The following TNKS variants were observed in gnomAD, a reference collection of about 807,000 sequenced individuals.
The protein encoded by TNKS is tankyrase, also known as poly [ADP-ribose] polymerase tankyrase-1.
Under a neutral mutation model 135.8 loss-of-function variants are expected in TNKS, and 72 were observed. That is an observed-to-expected ratio of 0.53 (90% CI 0.44 to 0.64). The LOEUF is 0.64. Ranked by LOEUF, TNKS falls within the 30% of genes least tolerant of loss-of-function variation. TNKS has a pLI of 0.00. For synonymous variants in TNKS, 849 were observed against 649.3 expected (o/e 1.31, Z -4.68); for missense variants, 1,769 against 1,674.0 (o/e 1.06, Z -0.99).
chr8:9,704,500 G>A (rs1343364531), intron 5 of TNKS, among the ~76,000 whole-genome samples, 163 bp from the exon 6 acceptor site: 1 of 152,106 alleles, frequency 6.6e-6, no homozygotes, highest in Admixed American at 6.5e-5. Flanking sequence ...TGACTCCTGA[G>A]GGCAGTAAAT....
At position 9,704,560 on chromosome 8, in the gene TNKS, AT is replaced by A. The variant is rs373954617; in HGVS notation, c.1108-98del. ...TGAATTTTTGACATTTCAGCGCAGT[AT>A]TTTTGTGTCAACTTTCATTGTGTTT... On this transcript the variant is annotated intron_variant, in intron 5 of 26. Transcript: ENST00000310430. 3,828 of 926,926 alleles carry A rather than the reference AT, an allele frequency of 4.1e-3. 84 individuals carry two copies. Among genetic ancestry groups the A allele is most frequent in the South Asian group, 0.038 (2,492 of 66,108 alleles). The allele number at this position is 926,926 out of a possible 1,614,324, so 57.4% of individuals were successfully genotyped here. A position where few individuals can be genotyped will look rare whatever the true frequency, so the allele number is the denominator to read the frequency against.
intron 2 of TNKS, among the ~76,000 whole-genome samples, chr8:9,581,421 ACT>A (rs905563130): frequency 6.6e-6 from 1 of 151,976 alleles, no homozygotes; most frequent in African/African-American, 2.4e-5. Context: ...GTTTCAACTG[ACT>A]CTCCCATTTC....
At chr8:9,567,759 A>G (rs1209919917) in intron 1 of TNKS, among the ~76,000 whole-genome samples, 8 of 152,182 alleles carry the variant, frequency 5.3e-5, no homozygotes. Context: ...TTGTTAGAAA[A>G]TCTCGTAGAT....
Position 9,714,203 on chromosome 8 carries a change from A to G in TNKS, c.1749+3983A>G, listed in dbSNP as rs1002599343. On this transcript the variant is annotated intron_variant, in intron 11 of 26. Coordinates refer to ENST00000310430, the MANE Select transcript of TNKS (RefSeq NM_003747.3). ...GTTAATGTTAAACTAAATGTACGCC[A>G]TATATAACCTAGACAGGCATGCTTT... 2.0e-5 allele frequency among the ~76,000 whole-genome samples: 3 copies of G among 152,188 alleles called. No homozygotes were observed. In the South Asian group the frequency reaches 6.2e-4, roughly 31 times the overall value.
intron 3 of TNKS, among the ~76,000 whole-genome samples, chr8:9,675,292 A>G (rs906775108): frequency 1.3e-5 from 2 of 152,226 alleles, no homozygotes; most frequent in African/African-American, 2.4e-5. Context: ...GAATCAATTC[A>G]TCTCTTAATT....
At chr8:9,608,262 C>G (rs568628887) in intron 2 of TNKS, among the ~76,000 whole-genome samples, 1 of 152,240 alleles carries the variant, frequency 6.6e-6, no homozygotes, top group South Asian at 2.1e-4. Flanking sequence ...TAGTTTTTTC[C>G]TCTGTTGCAT....
In TNKS at chr8:9,766,366, A is replaced by T. The variant is rs758656719; in HGVS notation, c.3681A>T (p.Gly1227=). 24 of 1,613,846 alleles carry T rather than the reference A, an allele frequency of 1.5e-5. No individual in the cohort carries two copies. Among genetic ancestry groups the T allele is most frequent in the Non-Finnish European group, 2.0e-5 (24 of 1,179,888 alleles). Residue 1227 remains glycine, a synonymous_variant, in exon 25 of 27, where the codon GGA becomes GGT. Coordinates refer to ENST00000310430, the MANE Select transcript of TNKS (RefSeq NM_003747.3). ...NSSKSNQYVY[G]IGGGTGCPTH... ...CAAAAAGCAACCAATATGTTTATGG[A>T]ATTGGAGGAGGAACAGGCTGCCCTA...
intron 3 of TNKS, among the ~76,000 whole-genome samples, chr8:9,641,965 G>C (rs1224199926): frequency 1.4e-5 from 2 of 146,090 alleles, no homozygotes; most frequent in African/African-American, 5.1e-5. Flanking sequence ...TGTCTTCCAA[G>C]GCAAATCATT....
At chr8:9,591,079 T>C (rs1042713232) in intron 2 of TNKS, among the ~76,000 whole-genome samples, 1 of 152,240 alleles carries the variant, frequency 6.6e-6, no homozygotes, top group African/African-American at 2.4e-5. Context: ...TTGGAGATGA[T>C]GTGAGGTGAA....
intron 1 of TNKS, among the ~76,000 whole-genome samples, chr8:9,562,903 C>T (rs1406868814): frequency 1.4e-5 from 2 of 148,134 alleles, no homozygotes; most frequent in African/African-American, 2.5e-5. Flanking sequence ...TCTTGGTGTT[C>T]GTTTCTCTAG....
intron 1 of TNKS, among the ~76,000 whole-genome samples, chr8:9,579,952 C>G (rs899973701): frequency 6.6e-6 from 1 of 152,050 alleles, no homozygotes; most frequent in Non-Finnish European, 1.5e-5. Flanking sequence ...AATGAACAGC[C>G]CAAAGACTAA....
chr8:9,665,374 C>G (rs1404490288), intron 3 of TNKS, among the ~76,000 whole-genome samples: 1 of 152,214 alleles, frequency 6.6e-6, no homozygotes, highest in East Asian at 1.9e-4. Flanking sequence ...TCATGTGATG[C>G]TCTTCAGCAG....
chr8:9,664,116 G>A (rs781420022), intron 3 of TNKS, among the ~76,000 whole-genome samples: 17 of 152,118 alleles, frequency 1.1e-4, no homozygotes, highest in Non-Finnish European at 1.9e-4. Flanking sequence ...GGAATACCTC[G>A]AGGCTGGGTA....
chr8:9,615,587 C>T lies in TNKS; in HGVS notation c.904C>T (p.Leu302=). 3.1e-6 allele frequency: 5 copies of T among 1,613,172 alleles called. No homozygotes were observed. In the South Asian group the frequency reaches 3.3e-5, roughly 11 times the overall value. ...TTTCTGCTTTCCCTGCACAGTGCTG[C>T]TGCAGCACGGAGCTGACCCAAACAT... ...KGKIDVCIVL[L]QHGADPNIRN... Residue 302 remains leucine (L), a synonymous_variant, in exon 3 of 27, where the codon CTG becomes TTG. Transcript: ENST00000310430.
At chr8:9,670,382 G>A (rs1802221647) in intron 3 of TNKS, among the ~76,000 whole-genome samples, 1 of 152,096 alleles carries the variant, frequency 6.6e-6, no homozygotes, top group Non-Finnish European at 1.5e-5. Flanking sequence ...TATCTTATTG[G>A]GAAACCATTC....
intron 22 of TNKS, among the ~76,000 whole-genome samples, chr8:9,763,737 C>T (rs1807271389): frequency 6.6e-6 from 1 of 152,160 alleles, no homozygotes; most frequent in South Asian, 2.1e-4. Context: ...CCTATGAAGG[C>T]TGTTTGTGTA....
intron 4 of TNKS, 115 bp from the exon 5 acceptor site, chr8:9,680,610 C>T: frequency 3.0e-6 from 2 of 657,164 alleles, no homozygotes; most frequent in Non-Finnish European, 2.7e-6. Context: ...TATTGTGATC[C>T]ATGTAAAAGA....
In TNKS at chr8:9,776,924, T is replaced by C. The variant is rs1231496892; in HGVS notation, c.*188T>C. ...CTGATACATACTCAACTGCTACTGT[T>C]CCCTTTGAGGAAATGTTTACAGGGG... On this transcript the variant is annotated 3_prime_UTR_variant, in exon 27 of 27. Transcript: ENST00000310430. 5.6e-6 allele frequency: 3 copies of C among 539,174 alleles called. No homozygotes were observed. Among genetic ancestry groups the C allele is most frequent in the Non-Finnish European group, 9.7e-6 (3 of 310,000 alleles). The allele number at this position is 539,174 out of a possible 1,614,324, so 33.4% of individuals were successfully genotyped here. A position where few individuals can be genotyped will look rare whatever the true frequency, so the allele number is the denominator to read the frequency against.
intron 26 of TNKS, among the ~76,000 whole-genome samples, chr8:9,772,768 A>G (rs1208719533): frequency 6.6e-6 from 1 of 151,284 alleles, no homozygotes; most frequent in Non-Finnish European, 1.5e-5. Context: ...GATGATGTAT[A>G]TAACTTGTAA....
Sources: allele counts gnomAD v4.1 joint callset (sites outside exome capture counted in the v4.1 genomes callset), GRCh38; gene constraint gnomAD v4.1.1; transcripts MANE v1.5; gene names NCBI Gene and HGNC (gene_info 2026-07-23, HGNC 2026-07-21).